WNK1: variants seen among roughly 807,000 people sequenced by gnomAD.
The protein encoded by WNK1 is WNK lysine deficient protein kinase 1, also known as serine/threonine-protein kinase WNK1.
A neutral mutation model predicts 222.8 loss-of-function variants in WNK1; 38 were observed. That is an observed-to-expected ratio of 0.17 (90% CI 0.13 to 0.22). The LOEUF is 0.22. Ranked by LOEUF, WNK1 falls within the 10% of genes least tolerant of loss-of-function variation. WNK1 has a pLI of 1.00. For missense variants in WNK1, 2,348 were observed against 2,918.4 expected (o/e 0.80, Z 4.50); for synonymous variants, 1,090 against 1,092.9 (o/e 1.00, Z 0.05).
chr12:780,204 T>C (rs748309295), intron 1 of WNK1, among the ~76,000 whole-genome samples: 5 of 152,222 alleles, frequency 3.3e-5, no homozygotes, highest in Non-Finnish European at 5.9e-5. Context: ...ATGTTTCTCT[T>C]CTTAATCAGT....
chr12:756,881 T>C (rs1470154151), intron 1 of WNK1, among the ~76,000 whole-genome samples: 1 of 152,164 alleles, frequency 6.6e-6, no homozygotes, highest in African/African-American at 2.4e-5. Flanking sequence ...AAAATCTTAG[T>C]GTATTGAAAC....
At chr12:851,515 G>T in intron 4 of WNK1, 1 of 1,159,208 alleles carries the variant, frequency 8.6e-7, no homozygotes, top group South Asian at 1.8e-5. Flanking sequence ...TAAATCTGTT[G>T]TTGGCTGAGT....
At chr12:780,049 C>T (rs556040189) in intron 1 of WNK1, among the ~76,000 whole-genome samples, 4 of 151,966 alleles carry the variant, frequency 2.6e-5, no homozygotes, top group African/African-American at 9.7e-5. Flanking sequence ...ATTTGAGGCA[C>T]CTTTTCTGGG....
intron 26 of WNK1, 62 bp downstream of exon 26, chr12:900,732 A>C (rs753149775): frequency 6.2e-7 from 1 of 1,604,096 alleles, no homozygotes; most frequent in Non-Finnish European, 8.5e-7. Context: ...TACCTGGGAC[A>C]AAAGCCTGTT....
intron 4 of WNK1, among the ~76,000 whole-genome samples, chr12:831,353 C>T (rs1343606178): frequency 1.3e-5 from 2 of 151,948 alleles, no homozygotes; most frequent in Non-Finnish European, 2.9e-5. Flanking sequence ...GACTGGCCAA[C>T]ATGGTGAAAC....
chr12:861,998 G>A, intron 7 of WNK1, 85 bp from the exon 8 acceptor site: 14 of 1,486,584 alleles, frequency 9.4e-6, no homozygotes, highest in Non-Finnish European at 1.3e-5. Flanking sequence ...TAATATAATG[G>A]GTCTAAATAT....
intron 26 of WNK1, among the ~76,000 whole-genome samples, chr12:907,024 TA>T (rs67823034): frequency 0.02 from 944 of 47,448 alleles, 112 homozygotes; most frequent in African/African-American, 0.084. Flanking sequence ...ACCCTTCCTT[TA>T]AAAAAAAAAA....
At chr12:862,502 T>C (rs1417435644) in intron 8 of WNK1, among the ~76,000 whole-genome samples, 1 of 152,250 alleles carries the variant, frequency 6.6e-6, no homozygotes, top group African/African-American at 2.4e-5. Context: ...TCTGCATTTT[T>C]ACTAAAGGGA....
intron 1 of WNK1, among the ~76,000 whole-genome samples, chr12:755,995 C>CA (rs1326191053): frequency 9.4e-4 from 143 of 152,016 alleles, no homozygotes; most frequent in Non-Finnish European, 1.6e-4. Context: ...AAAACAACAA[C>CA]AACAAAAAAA....
At chr12:854,148 G>A (rs770258457) in intron 4 of WNK1, among the ~76,000 whole-genome samples, 19 of 151,772 alleles carry the variant, frequency 1.3e-4, no homozygotes, top group Non-Finnish European at 2.4e-4. Flanking sequence ...TAGGAGGATC[G>A]GTTGAACCCA....
chr12:859,576 A>G (rs992952025), intron 6 of WNK1, 112 bp downstream of exon 6: 5 of 778,620 alleles, frequency 6.4e-6, no homozygotes, highest in Admixed American at 5.1e-5. Context: ...CCATTGACAT[A>G]AAATTGTGAT....
In WNK1 at chr12:883,464, A is replaced by G. The variant is rs1953361170; in HGVS notation, c.3559A>G (p.Lys1187Glu). The change falls in exon 16 of 28, where the codon AAA (lysine) becomes GAA (glutamate). Residue 1187 changes from lysine to glutamate, a missense_variant. Around this residue, in one of 13 missense-constraint regions of WNK1, gnomAD observed 1,144 missense variants for 1,273.6 expected, o/e 0.90. Transcript: ENST00000315939. ...FVDQVREIIE[K>E]ADEMLSEDVS... ...GGATCAAGTGCGAGAAATTATTGAA[A>G]AAGCTGATGAAATGCTCAGTGAGGA... is the stretch of plus-strand genomic sequence containing the variant. The G allele has an allele frequency of 6.2e-7, 1 of 1,614,186 alleles. No individual in the cohort carries two copies. Among genetic ancestry groups the G allele is most frequent in the Non-Finnish European group, 8.5e-7 (1 of 1,180,024 alleles).
Position 753,654 on chromosome 12 carries a change from G to C in WNK1, c.89G>C (p.Ser30Thr). The C allele has an allele frequency of 6.2e-7, 1 of 1,612,598 alleles. No individual in the cohort carries two copies. The highest frequency in any genetic ancestry group is 8.5e-7 in the Non-Finnish European group (1 of 1,179,902). ...PPAPAPKNGSSSDSSVGEKLG... is the reference protein window; with the variant it reads ...PPAPAPKNGSTSDSSVGEKLG... The stretch of plus-strand genomic sequence containing the variant: ...GCTCCTGCCCCCAAGAATGGCTCCA[G>C]CTCCGATTCCTCCGTGGGGGAGAAA... Residue 30 changes from serine to threonine, a missense_variant, in exon 1 of 28, where the codon AGC becomes ACC. Physicochemically the swap from Ser to Thr is moderately conservative, Grantham distance 58. Around this residue, in one of 13 missense-constraint regions of WNK1, gnomAD observed 108 missense variants for 109.7 expected, o/e 0.98. Coordinates refer to ENST00000315939, the MANE Select transcript of WNK1 (RefSeq NM_018979.4). This position sits in a 1 kb window ranked among gnomAD's most constrained non-coding sequence, Gnocchi z 5.2.
At chr12:832,686 GTTATTA>G (rs1054889961) in intron 4 of WNK1, among the ~76,000 whole-genome samples, 1 of 152,204 alleles carries the variant, frequency 6.6e-6, no homozygotes, top group Non-Finnish European at 1.5e-5. Context: ...TATTTTGTCA[GTTATTA>G]TTATTAGGTG....
chr12:893,696 G>A (rs185704353), intron 22 of WNK1, among the ~76,000 whole-genome samples: 20 of 151,888 alleles, frequency 1.3e-4, no homozygotes, highest in Admixed American at 1.1e-3. Context: ...GGTGGTGGGC[G>A]CCTGTGGTCC....
intron 1 of WNK1, among the ~76,000 whole-genome samples, chr12:811,981 T>G (rs1946947425): frequency 6.6e-6 from 1 of 152,216 alleles, no homozygotes; most frequent in African/African-American, 2.4e-5. Context: ...TAAAATATTC[T>G]AAATATTTCT....
At chr12:779,989 A>G (rs1163332503) in intron 1 of WNK1, among the ~76,000 whole-genome samples, 2 of 152,194 alleles carry the variant, frequency 1.3e-5, no homozygotes, top group African/African-American at 4.8e-5. Flanking sequence ...TTTGTGGATA[A>G]TCATTAACAG....
intron 4 of WNK1, among the ~76,000 whole-genome samples, chr12:833,014 CTT>C (rs71051394): frequency 6.8e-6 from 1 of 147,128 alleles, no homozygotes. Context: ...TACATTCTCT[CTT>C]TTTTTTTTTC....
At chr12:881,603 G>C in intron 12 of WNK1, 89 bp from the exon 13 acceptor site, 1 of 1,038,000 alleles carries the variant, frequency 9.6e-7, no homozygotes, top group Non-Finnish European at 1.5e-6. Flanking sequence ...GTAGTGGGGA[G>C]GGATAAGGAA....
Sources: allele counts gnomAD v4.1 joint callset (sites outside exome capture counted in the v4.1 genomes callset), GRCh38; gene constraint gnomAD v4.1.1; regional missense constraint gnomAD v4.1.1; non-coding constraint Gnocchi (gnomAD v3.1); transcripts MANE v1.5; gene names NCBI Gene and HGNC (gene_info 2026-07-23, HGNC 2026-07-21).